EHMT1: variants seen among roughly 807,000 people sequenced by gnomAD.
The protein encoded by EHMT1 is euchromatic histone lysine methyltransferase 1, also known as histone-lysine N-methyltransferase EHMT1.
A neutral mutation model predicts 147.2 loss-of-function variants in EHMT1; 15 were observed. The observed-to-expected ratio is 0.10, with a 90% CI of 0.07 to 0.16. The LOEUF (loss-of-function observed/expected upper bound fraction) is 0.16, where lower values mean the gene tolerates loss of function less well. Among genes scored for constraint, EHMT1 ranks in the 10% least tolerant of loss-of-function variants. The pLI is 1.00. For synonymous variants in EHMT1, 795 were observed against 709.6 expected (o/e 1.12, Z -1.91); for missense variants, 1,587 against 1,772.4 (o/e 0.90, Z 1.88).
intron 1 of EHMT1, among the ~76,000 whole-genome samples, chr9:137,656,286 A>G (rs935548140): frequency 1.3e-5 from 2 of 152,198 alleles, no homozygotes; most frequent in Non-Finnish European, 2.9e-5. Flanking sequence ...AGGCTGAGGC[A>G]GGAGAATCAC....
At chr9:137,726,129 C>G (rs928955175) in intron 3 of EHMT1, among the ~76,000 whole-genome samples, 3 of 152,090 alleles carry the variant, frequency 2.0e-5, no homozygotes, top group African/African-American at 7.2e-5. Context: ...TGGTAAAACA[C>G]ATAATATCAA....
intron 25 of EHMT1, among the ~76,000 whole-genome samples, chr9:137,824,230 CCTGT>C (rs1013042647): frequency 3.9e-5 from 6 of 152,136 alleles, no homozygotes; most frequent in Admixed American, 6.5e-5. Flanking sequence ...TCCAGCCTGG[CCTGT>C]CTCTCAAAGA....
At chr9:137,815,492 G>A (rs913979656) in intron 22 of EHMT1, 1 of 280,906 alleles carries the variant, frequency 3.6e-6, no homozygotes, top group Non-Finnish European at 7.0e-6. Flanking sequence ...TGCTGTACCT[G>A]GCCTGGCTTC....
intron 25 of EHMT1, among the ~76,000 whole-genome samples, chr9:137,833,863 C>T (rs1956400577): frequency 6.6e-6 from 1 of 152,256 alleles, no homozygotes; most frequent in Non-Finnish European, 1.5e-5. Flanking sequence ...ACTGAGTCTT[C>T]CCAGACCCTC....
intron 18 of EHMT1, 90 bp from the exon 19 acceptor site, chr9:137,811,371 C>T (rs917548379): frequency 5.4e-5 from 86 of 1,582,786 alleles, no homozygotes; most frequent in African/African-American, 2.7e-4. Context: ...AGCCTCTCCC[C>T]GGGCACATGG....
At chr9:137,668,425 A>G (rs1399582850) in intron 1 of EHMT1, among the ~76,000 whole-genome samples, 11 of 151,462 alleles carry the variant, frequency 7.3e-5, no homozygotes, top group Admixed American at 7.3e-4. Context: ...CCATCCATTT[A>G]TTTACCCACC....
intron 3 of EHMT1, among the ~76,000 whole-genome samples, chr9:137,722,972 T>C (rs112603092): frequency 4.7e-4 from 35 of 74,124 alleles, no homozygotes; most frequent in African/African-American, 1.8e-3. Flanking sequence ...TGTCTGTGTC[T>C]GTGGTTCTAG....
intron 3 of EHMT1, among the ~76,000 whole-genome samples, chr9:137,720,338 C>G (rs545149059): frequency 6.6e-6 from 1 of 152,148 alleles, no homozygotes; most frequent in East Asian, 1.9e-4. Flanking sequence ...GGATCTCACT[C>G]TGTCACCCAG....
intron 15 of EHMT1, among the ~76,000 whole-genome samples, chr9:137,790,457 T>C (rs1002945824): frequency 6.6e-6 from 1 of 152,216 alleles, no homozygotes; most frequent in Non-Finnish European, 1.5e-5. Context: ...AGTGAGAGGA[T>C]GCTGTGTGGC....
chr9:137,772,974 C>T (rs1182659962), intron 10 of EHMT1, among the ~76,000 whole-genome samples: 1 of 152,196 alleles, frequency 6.6e-6, no homozygotes, highest in East Asian at 1.9e-4. Context: ...CCCCCTACCC[C>T]GCAGCTCCCT....
chr9:137,761,701 C>T (rs1949834335), intron 9 of EHMT1, among the ~76,000 whole-genome samples: 1 of 152,208 alleles, frequency 6.6e-6, no homozygotes, highest in Non-Finnish European at 1.5e-5. Context: ...TCGTGATCTG[C>T]CCGCCTTGGC....
At chr9:137,637,939 A>G (rs1320799757) in intron 1 of EHMT1, among the ~76,000 whole-genome samples, 2 of 151,814 alleles carry the variant, frequency 1.3e-5, no homozygotes, top group African/African-American at 4.8e-5. Flanking sequence ...CATCCAGGTT[A>G]TCTAGTTTCC....
intron 1 of EHMT1, among the ~76,000 whole-genome samples, chr9:137,628,603 T>C (rs1379439437): frequency 1.3e-5 from 2 of 152,188 alleles, no homozygotes; most frequent in Non-Finnish European, 2.9e-5. Flanking sequence ...CCATAAATCT[T>C]GAGAAGCAGA....
At chr9:137,723,657 C>T (rs1946313213) in intron 3 of EHMT1, among the ~76,000 whole-genome samples, 1 of 152,210 alleles carries the variant, frequency 6.6e-6, no homozygotes, top group Non-Finnish European at 1.5e-5. Flanking sequence ...GGCCTGTGGC[C>T]TCTCCACCCT....
intron 1 of EHMT1, among the ~76,000 whole-genome samples, chr9:137,694,444 G>A (rs1943229556): frequency 6.6e-6 from 1 of 152,172 alleles, no homozygotes; most frequent in Non-Finnish European, 1.5e-5. Flanking sequence ...GCAGGACGCT[G>A]GGACTGGAGG....
intron 2 of EHMT1, among the ~76,000 whole-genome samples, chr9:137,714,555 A>ATTT (rs35445261): frequency 1.1e-4 from 9 of 84,208 alleles, no homozygotes; most frequent in East Asian, 3.4e-4. Context: ...CAGTTTGCTC[A>ATTT]TTTTTTTTTT....
At chr9:137,735,853 T>A (rs1588442177) in intron 4 of EHMT1, among the ~76,000 whole-genome samples, 1 of 152,198 alleles carries the variant, frequency 6.6e-6, no homozygotes, top group East Asian at 1.9e-4. Flanking sequence ...CACCATGTGA[T>A]CGCTTGCACA....
At chr9:137,757,673 AG>A (rs1437725486) in intron 8 of EHMT1, among the ~76,000 whole-genome samples, 2 of 152,196 alleles carry the variant, frequency 1.3e-5, no homozygotes, top group African/African-American at 4.8e-5. Context: ...TATGTCTAAA[AG>A]GGGGAATTAG....
intron 25 of EHMT1, among the ~76,000 whole-genome samples, chr9:137,822,084 C>A (rs960784831): frequency 3.9e-5 from 6 of 152,166 alleles, no homozygotes; most frequent in African/African-American, 1.4e-4. Flanking sequence ...CCCTGTGAGC[C>A]CTTAGTCCCT....
Sources: gnomAD v4.1 joint callset for allele counts (sites outside exome capture counted in the v4.1 genomes callset) on GRCh38, gnomAD v4.1.1 for gene constraint, MANE v1.5 for transcripts, NCBI Gene and HGNC (gene_info 2026-07-23, HGNC 2026-07-21) for gene names.